The following DST variants were observed in gnomAD, a reference collection of about 807,000 sequenced individuals.
The protein encoded by DST is dystonin, also known as bullous pemphigoid antigen.
Under a neutral mutation model 875.2 loss-of-function variants are expected in DST, and 253 were observed. That is an observed-to-expected ratio of 0.29 (90% confidence interval 0.26 to 0.32). DST has a LOEUF of 0.32. DST is among the 10% of genes least tolerant of loss of function. DST has a pLI of 1.00. For synonymous variants in DST, 3,124 were observed against 3,197.1 expected (o/e 0.98, Z 0.77); for missense variants, 8,287 against 9,111.6 (o/e 0.91, Z 3.68).
chr6:56,648,442 T>G, intron 13 of DST, 128 bp downstream of exon 13: 1 of 718,262 alleles, frequency 1.4e-6, no homozygotes, highest in Non-Finnish European at 2.2e-6. Context: ...TAATACAAAT[T>G]TTGCCTACTT....
At position 56,610,524 on chromosome 6, in the gene DST, A is replaced by C. The variant is rs1275929311; in HGVS notation, c.5186T>G (p.Val1729Gly). The change falls in exon 39 of 104, where the codon GTG (valine) becomes GGG (glycine). Residue 1729 changes from valine (V) to glycine (G), a missense_variant. Coordinates refer to ENST00000680361, the MANE Select transcript of DST (RefSeq NM_001374736.1). ...ATTATAACTTTCCTGAAGAGTTTTC[A>C]CTTGTTTTTCCAATTCATTTCTTTC... ...DEERNELEKQ[V>G]KTLQESYNLL... The C allele has an allele frequency of 6.4e-7, 1 of 1,565,620 alleles. No homozygotes were observed. Among genetic ancestry groups the C allele is most frequent in the African/African-American group, 1.4e-5 (1 of 73,360 alleles).
At chr6:56,776,348 G>C (rs1026069399) in intron 4 of DST, among the ~76,000 whole-genome samples, 11 of 152,176 alleles carry the variant, frequency 7.2e-5, no homozygotes, top group African/African-American at 2.7e-4. Context: ...ATCCCGGATA[G>C]GATGCCAGAA....
intron 58 of DST, among the ~76,000 whole-genome samples, chr6:56,559,173 C>T (rs185913595): frequency 2.1e-3 from 312 of 152,154 alleles, no homozygotes; most frequent in African/African-American, 6.8e-3. Flanking sequence ...AATCTGGCAA[C>T]AAAATAATGC....
In DST at chr6:56,735,261, T is replaced by A; in HGVS notation, c.654A>T (p.Thr218=). Residue 218 remains threonine, a synonymous_variant, in exon 5 of 104, where the codon ACA becomes ACT. Transcript: ENST00000680361. ...ADERDKVQKK[T]FTKWINQHLM... is the part of the protein sequence containing the mutation. ...GATGCTGATTTATCCATTTTGTAAA[T>A]GTTTTCTTCTGAACTTTGTCCCGTT... 6.4e-7 allele frequency: 1 copy of A among 1,551,008 alleles called. No individual in the cohort carries two copies. The highest frequency in any genetic ancestry group is 1.2e-5 in the South Asian group (1 of 83,882).
intron 82 of DST, 90 bp from the exon 83 acceptor site, chr6:56,494,270 T>A (rs1444099040): frequency 8.2e-7 from 1 of 1,213,608 alleles, no homozygotes; most frequent in Non-Finnish European, 1.1e-6. Context: ...AAGCTCCTCA[T>A]CATATATTCA....
chr6:56,480,933 T>C (rs976203417), intron 90 of DST, among the ~76,000 whole-genome samples: 1 of 152,206 alleles, frequency 6.6e-6, no homozygotes, highest in African/African-American at 2.4e-5. Context: ...AGTAATATAA[T>C]ATAAACTACA....
chr6:56,559,018 G>A (rs1584903687), intron 58 of DST, among the ~76,000 whole-genome samples: 1 of 152,080 alleles, frequency 6.6e-6, no homozygotes. Context: ...ACAGTCACTC[G>A]ATAAATATTC....
intron 9 of DST, among the ~76,000 whole-genome samples, chr6:56,696,794 A>G (rs1187865531): frequency 6.6e-6 from 1 of 152,122 alleles, no homozygotes; most frequent in Non-Finnish European, 1.5e-5. Context: ...TGGTTTCATC[A>G]GTACATTTTC....
At chr6:56,589,985 A>G (rs1334475504) in intron 49 of DST, among the ~76,000 whole-genome samples, 1 of 152,254 alleles carries the variant, frequency 6.6e-6, no homozygotes, top group East Asian at 1.9e-4. Context: ...GTTAAAAGTA[A>G]TTGTAAAATG....
At chr6:56,704,143 ACTT>A (rs2099323180) in intron 6 of DST, 134 bp downstream of exon 6, 1 of 471,384 alleles carries the variant, frequency 2.1e-6, no homozygotes, top group African/African-American at 2.0e-5. Flanking sequence ...TCTAACCAAA[ACTT>A]CTTTTTCAGG....
chr6:56,901,006 T>C (rs1330533364), intron 2 of DST, among the ~76,000 whole-genome samples: 1 of 151,704 alleles, frequency 6.6e-6, no homozygotes, highest in Admixed American at 6.6e-5. Flanking sequence ...CAGGATATCA[T>C]TCCAGGGTAA....
chr6:56,924,133 C>A (rs1305601567), intron 2 of DST, among the ~76,000 whole-genome samples: 2 of 151,930 alleles, frequency 1.3e-5, no homozygotes, highest in Non-Finnish European at 2.9e-5. Context: ...CAAAAAAAAA[C>A]CCTCCCAGAA....
chr6:56,527,637 T>A lies in DST; in HGVS notation c.17778A>T (p.Glu5926Asp). 1.2e-6 allele frequency: 2 copies of A among 1,613,852 alleles called. No homozygotes were observed. Among genetic ancestry groups the A allele is most frequent in the Non-Finnish European group, 1.7e-6 (2 of 1,179,854 alleles). The part of the protein sequence containing the change: ...KLSTDVAKTL[E>D]QALQLARRLH... The stretch of plus-strand genomic sequence containing the variant: ...GCCGCCTTGCAAGCTGCAGCGCCTG[T>A]TCCAGAGTCTTGGCCACATCAGTGC... The change falls in exon 68 of 104, where the codon GAA becomes GAT. Residue 5926 changes from glutamate to aspartate, a missense_variant. Around this residue, in one of 10 missense-constraint regions of DST, gnomAD observed 777 missense variants for 764.8 expected, o/e 1.02. Transcript: ENST00000680361.
chr6:56,597,517 T>C (rs943659503), intron 47 of DST, among the ~76,000 whole-genome samples: 3 of 152,218 alleles, frequency 2.0e-5, no homozygotes, highest in Non-Finnish European at 2.9e-5. Flanking sequence ...ATCTTTATAA[T>C]AATTCTACTT....
At chr6:56,652,408 G>GT (rs2098981573) in intron 10 of DST, among the ~76,000 whole-genome samples, 1 of 152,198 alleles carries the variant, frequency 6.6e-6, no homozygotes, top group African/African-American at 2.4e-5. Flanking sequence ...AAATCACTGA[G>GT]TAAGAACCTG....
intron 4 of DST, among the ~76,000 whole-genome samples, chr6:56,763,410 G>A (rs953229427): frequency 6.6e-6 from 1 of 151,616 alleles, no homozygotes; most frequent in African/African-American, 2.4e-5. Context: ...GGTGGCTCAC[G>A]CCTGTAATGC....
At chr6:56,620,480 T>G (rs755171057) in intron 36 of DST, 1 of 1,614,062 alleles carries the variant, frequency 6.2e-7, no homozygotes, top group Admixed American at 1.7e-5. Context: ...CCTTATCTTC[T>G]GCAGAGAGAT....
intron 4 of DST, among the ~76,000 whole-genome samples, chr6:56,771,153 TA>T (rs768011048): frequency 0.014 from 2,053 of 146,218 alleles, 11 homozygotes; most frequent in Non-Finnish European, 0.019. Flanking sequence ...TAATTTATCT[TA>T]AAAAAAAAAA....
rs1272644325 is a variant in DST at position 56,610,508 on chromosome 6, T to G, written c.5202A>C (p.Glu1734Asp). The G allele has an allele frequency of 6.4e-7, 1 of 1,566,836 alleles. No homozygotes were observed. The highest frequency in any genetic ancestry group is 8.7e-7 in the Non-Finnish European group (1 of 1,154,736). ...ELEKQVKTLQ[E>D]SYNLLFSESL... is the part of the protein sequence containing the mutation. Reference sequence around the variant, plus strand: ...ATTCACTGAATAATAAATTATAACTTTCCTGAAGAGTTTTCACTTGTTTTT... The same window carrying G: ...ATTCACTGAATAATAAATTATAACTGTCCTGAAGAGTTTTCACTTGTTTTT... Residue 1734 changes from glutamate (E) to aspartate (D), a missense_variant, in exon 39 of 104, where the codon GAA becomes GAC. Glu to Asp is a conservative substitution (Grantham distance 45). Transcript: ENST00000680361.
Sources: allele counts gnomAD v4.1 joint callset (sites outside exome capture counted in the v4.1 genomes callset), GRCh38; gene constraint gnomAD v4.1.1; regional missense constraint gnomAD v4.1.1; transcripts MANE v1.5; gene names NCBI Gene and HGNC (gene_info 2026-07-23, HGNC 2026-07-21).